ARID1A: variants seen among roughly 807,000 people sequenced by gnomAD.
ARID1A encodes AT-rich interactive domain-containing protein 1A.
In ARID1A, 20 loss-of-function variants were observed where a neutral mutation model predicts 212.6. The observed-to-expected ratio is 0.09, with a 90% CI of 0.07 to 0.14. The LOEUF (loss-of-function observed/expected upper bound fraction) is 0.14, where lower values mean the gene tolerates loss of function less well. Ranked by LOEUF, ARID1A falls within the 10% of genes least tolerant of loss-of-function variation. The pLI is 1.00. For missense variants in ARID1A, 2,587 were observed against 3,059.0 expected, an observed-to-expected ratio of 0.85 and a Z score of 3.64; for synonymous variants, 1,376 against 1,222.1, an observed-to-expected ratio of 1.13 and a Z score of -2.63.
chr1:26,752,310 A>G (rs1011017271), intron 4 of ARID1A, among the ~76,000 whole-genome samples: 2 of 152,184 alleles, frequency 1.3e-5, no homozygotes, highest in Non-Finnish European at 2.9e-5. Flanking sequence ...AATCTGTTGG[A>G]TTGAGACCAC....
At chr1:26,752,400 C>A (rs565035999) in intron 4 of ARID1A, among the ~76,000 whole-genome samples, 2 of 152,290 alleles carry the variant, frequency 1.3e-5, no homozygotes, top group East Asian at 1.9e-4. Context: ...CTCTTTCTTA[C>A]ATTTATAGCA....
At position 26,780,510 on chromosome 1, in the gene ARID1A, C is replaced by A. The variant is rs752465350; in HGVS notation, c.6612C>A (p.Ala2204=). Residue 2204 remains alanine, a synonymous_variant, in exon 20 of 20, where the codon GCC becomes GCA. Coordinates refer to ENST00000324856, the MANE Select transcript of ARID1A (RefSeq NM_006015.6). This position sits in a 1 kb window ranked among gnomAD's most constrained non-coding sequence, Gnocchi z 7.2. ...NLLGFLEDSL[A]ATQFQQSQAS... ...TGGGCTTCCTAGAGGACAGCCTTGC[C>A]GCCACACAGTTCCAGCAGAGCCAGG... 1 of 1,614,072 alleles carries A rather than the reference C, an allele frequency of 6.2e-7. No homozygotes were observed. Among genetic ancestry groups the A allele is most frequent in the Non-Finnish European group, 8.5e-7 (1 of 1,180,040 alleles).
chr1:26,762,045 A>G, intron 6 of ARID1A, 107 bp from the exon 7 acceptor site: 3 of 1,275,698 alleles, frequency 2.4e-6, no homozygotes, highest in Non-Finnish European at 2.2e-6. Context: ...ACTCCATGCA[A>G]GTGGCTGCTA....
rs907999732 is a variant in ARID1A, at chr1:26,729,792, C to T, written c.1279C>T (p.Pro427Ser). ...AGGGCAGCCATACGGGTCCCAGACC[C>T]CGCAGCGGTACCCGATGACCATGCA... ...YPGQPYGSQT[P>S]QRYPMTMQGR... The change falls in exon 2 of 20, where the codon CCG becomes TCG. Residue 427 changes from proline (P) to serine (S), a missense_variant. Pro to Ser is a moderately conservative substitution (Grantham distance 74, BLOSUM62 -1). Coordinates refer to ENST00000324856, the MANE Select transcript of ARID1A (RefSeq NM_006015.6). 1.9e-6 allele frequency: 3 copies of T among 1,614,250 alleles called. No homozygotes were observed. The highest frequency in any genetic ancestry group is 1.7e-5 in the Admixed American group (1 of 60,026).
intron 19 of ARID1A, among the ~76,000 whole-genome samples, chr1:26,776,729 T>C (rs895914146): frequency 2.0e-5 from 3 of 152,224 alleles, no homozygotes; most frequent in South Asian, 2.1e-4. Context: ...AGCTGACTTA[T>C]TAATAGTTAC....
intron 4 of ARID1A, among the ~76,000 whole-genome samples, chr1:26,740,731 A>G (rs1199499683): frequency 6.6e-6 from 1 of 152,202 alleles, no homozygotes; most frequent in Non-Finnish European, 1.5e-5. Context: ...TGAAAACGGG[A>G]GAGTCTTAAA....
In ARID1A at chr1:26,696,687, G is replaced by C; in HGVS notation, c.284G>C (p.Gly95Ala). The C allele has an allele frequency of 1.5e-6, 2 of 1,330,320 alleles. No homozygotes were observed. Among genetic ancestry groups the C allele is most frequent in the Admixed American group, 3.8e-5 (1 of 26,066 alleles). The allele number at this position is 1,330,320 out of a possible 1,614,324, so 82.4% of individuals were successfully genotyped here. The change falls in exon 1 of 20, where the codon GGC becomes GCC. Residue 95 changes from glycine to alanine, a missense_variant. Gly to Ala is a moderately conservative substitution (Grantham distance 60). Coordinates refer to ENST00000324856, the MANE Select transcript of ARID1A (RefSeq NM_006015.6). ...GGGAGSGGGP[G>A]AEPDLKNSNG... is the part of the protein sequence containing the mutation. Reference sequence around the variant, plus strand: ...GGAGCCGGCAGCGGCGGCGGGCCCGGCGCGGAGCCGGACCTGAAGAACTCG... The same window carrying C: ...GGAGCCGGCAGCGGCGGCGGGCCCGCCGCGGAGCCGGACCTGAAGAACTCG...
At position 26,731,330 on chromosome 1, in the gene ARID1A, A is replaced by C. The variant is rs200920292; in HGVS notation, c.1529A>C (p.Gln510Pro). The C allele has an allele frequency of 3.3e-5, 53 of 1,613,320 alleles. No homozygotes were observed. In the African/African-American group the frequency reaches 6.8e-4, roughly 21 times the overall value. The change falls in exon 3 of 20, where the codon CAG becomes CCG. Residue 510 changes from glutamine to proline, a missense_variant. Gln to Pro is a moderately conservative substitution (Grantham distance 76). This residue lies in a region of ARID1A where 674 missense variants were observed against 813.4 expected (regional missense o/e 0.83). Transcript: ENST00000324856. Reference sequence around the variant, plus strand: ...CAGCAGCCACAGTCTCAACCACCACAGCTCCAGTCCTCTCAGCCTCCATAC... The same window carrying C: ...CAGCAGCCACAGTCTCAACCACCACCGCTCCAGTCCTCTCAGCCTCCATAC... ...YQQQPQSQPP[Q>P]LQSSQPPYSQ...
intron 1 of ARID1A, among the ~76,000 whole-genome samples, chr1:26,714,499 C>T (rs1054499647): frequency 2.0e-5 from 3 of 151,970 alleles, no homozygotes; most frequent in African/African-American, 7.3e-5. Flanking sequence ...CTGCAGTCTC[C>T]GCCTCCTGGG....
chr1:26,705,053 G>A (rs1570549156), intron 1 of ARID1A, among the ~76,000 whole-genome samples: 1 of 152,174 alleles, frequency 6.6e-6, no homozygotes, highest in South Asian at 2.1e-4. Context: ...AACAGCTGAA[G>A]ATGCATGGCA....
rs192956590 is a variant in ARID1A, at chr1:26,716,395, A to G, written c.1138-13256A>G. Among the ~76,000 whole-genome samples the G allele has an allele frequency of 2.0e-5, 3 of 152,266 alleles. No homozygotes were observed. In the East Asian group the frequency reaches 5.8e-4, roughly 29 times the overall value. On this transcript the variant is annotated intron_variant, in intron 1 of 19. Coordinates refer to ENST00000324856, the MANE Select transcript of ARID1A (RefSeq NM_006015.6). ...AAAAATATGTAAGCAGATAAGCACA[A>G]ATAACTGTAGTTACAGTTGTAATAA...
chr1:26,737,929 G>A (rs2080749898), intron 4 of ARID1A, among the ~76,000 whole-genome samples: 1 of 152,122 alleles, frequency 6.6e-6, no homozygotes, highest in Admixed American at 6.6e-5. Context: ...TTCATGTGGG[G>A]TTTGGGCATT....
chr1:26,731,122 G>A lies in ARID1A; in HGVS notation c.1351-30G>A, dbSNP rs112246427. The A allele has an allele frequency of 8.8e-6, 14 of 1,590,706 alleles. 1 individual carries two copies. In the African/African-American group the frequency reaches 1.3e-4, roughly 15 times the overall value. On this transcript the variant is annotated intron_variant, in intron 2 of 19. Coordinates refer to ENST00000324856, the MANE Select transcript of ARID1A (RefSeq NM_006015.6). The stretch of plus-strand genomic sequence containing the variant: ...CATCTTTCCTCATGCAGGAGAGTCA[G>A]TGCTAAAAGTATATTTTCCTTTCCT...
In ARID1A at chr1:26,760,870, A is replaced by C; in HGVS notation, c.1935A>C (p.Ser645=). 6.2e-7 allele frequency: 1 copy of C among 1,612,790 alleles called. No homozygotes were observed. Among genetic ancestry groups the C allele is most frequent in the Non-Finnish European group, 8.5e-7 (1 of 1,178,944 alleles). ...ATATGTTCTAGGATCTATCTGGTTC[A>C]ATAGATGACCTCCCCATGGGGACAG... The part of the protein sequence containing the change: ...RPSSLPDLSG[S]IDDLPMGTEG... Residue 645 remains serine (S), a synonymous_variant, in exon 5 of 20, where the codon TCA becomes TCC. Transcript: ENST00000324856.
rs2081186780 is a variant in ARID1A, at chr1:26,780,911, TCTC to T, written c.*161_*163del. On this transcript the variant is annotated 3_prime_UTR_variant, in exon 20 of 20. Transcript: ENST00000324856. This position sits in a 1 kb window ranked among gnomAD's most constrained non-coding sequence, Gnocchi z 7.2. Reference sequence around the variant, plus strand: ...TGGGAAAAAGTCTCTCCTGTTTCTCTCTCCTCCTTCCACCTCCCCTCCCTCCAT... The same window carrying T: ...TGGGAAAAAGTCTCTCCTGTTTCTCTCTCCTTCCACCTCCCCTCCCTCCAT... 2 of 1,085,838 alleles carry T rather than the reference TCTC, an allele frequency of 1.8e-6. No homozygotes were observed. Among genetic ancestry groups the T allele is most frequent in the Non-Finnish European group, 2.6e-6 (2 of 781,488 alleles). The allele number at this position is 1,085,838 out of a possible 1,614,324, so 67.3% of individuals were successfully genotyped here.
At chr1:26,722,682 G>A (rs547347183) in intron 1 of ARID1A, among the ~76,000 whole-genome samples, 12 of 152,354 alleles carry the variant, frequency 7.9e-5, no homozygotes, top group Admixed American at 5.2e-4. Flanking sequence ...TTTAGAACTT[G>A]AATGAACTAG....
chr1:26,755,822 C>T (rs2080929975), intron 4 of ARID1A, among the ~76,000 whole-genome samples: 2 of 151,798 alleles, frequency 1.3e-5, no homozygotes, highest in African/African-American at 2.4e-5. Flanking sequence ...CGGCTCACTG[C>T]AACCTCCGCC....
intron 4 of ARID1A, among the ~76,000 whole-genome samples, chr1:26,757,509 C>A (rs114059345): frequency 6.6e-6 from 1 of 151,380 alleles, no homozygotes; most frequent in African/African-American, 2.4e-5. Flanking sequence ...CACAAAGATA[C>A]GCACCAAATA....
At chr1:26,743,285 C>CT (rs1557598701) in intron 4 of ARID1A, among the ~76,000 whole-genome samples, 1 of 152,188 alleles carries the variant, frequency 6.6e-6, no homozygotes. Flanking sequence ...CAAACTTCTA[C>CT]TTTGGCTTCA....
Sources: gnomAD v4.1 joint callset for allele counts (sites outside exome capture counted in the v4.1 genomes callset) on GRCh38, gnomAD v4.1.1 for gene constraint, gnomAD v4.1.1 regional missense constraint, Gnocchi (gnomAD v3.1) non-coding constraint, MANE v1.5 for transcripts, NCBI Gene and HGNC (gene_info 2026-07-23, HGNC 2026-07-21) for gene names.